The following IQGAP2 variants were observed in gnomAD, a reference collection of about 807,000 sequenced individuals.
IQGAP2 encodes the protein ras GTPase-activating-like protein IQGAP2.
A neutral mutation model predicts 201.3 loss-of-function variants in IQGAP2; 173 were observed. That is an observed-to-expected ratio of 0.86 (90% CI 0.76 to 0.98). The LOEUF (loss-of-function observed/expected upper bound fraction) is 0.98. Among genes scored for constraint, IQGAP2 ranks in the 50% least tolerant of loss-of-function variants. The pLI is 0.00. For missense variants in IQGAP2, 1,687 were observed against 1,864.8 expected, an observed-to-expected ratio of 0.90 and a Z score of 1.76; for synonymous variants, 675 against 673.9, an observed-to-expected ratio of 1.00 and a Z score of -0.03.
intron 2 of IQGAP2, among the ~76,000 whole-genome samples, chr5:76,551,298 G>A (rs564711096): frequency 6.6e-6 from 1 of 151,348 alleles, no homozygotes; most frequent in South Asian, 2.1e-4. Context: ...CAGATGATGG[G>A]CGGCCGGGCA....
At chr5:76,506,836 A>G (rs1244918087) in intron 2 of IQGAP2, among the ~76,000 whole-genome samples, 2 of 152,234 alleles carry the variant, frequency 1.3e-5, no homozygotes, top group Non-Finnish European at 2.9e-5. Flanking sequence ...TATGTGAGGA[A>G]AACTGCAAAA....
intron 1 of IQGAP2, among the ~76,000 whole-genome samples, chr5:76,428,043 G>C (rs1044552781): frequency 6.6e-6 from 1 of 151,922 alleles, no homozygotes; most frequent in Non-Finnish European, 1.5e-5. Flanking sequence ...TGCACCCTCT[G>C]AATGGGCACT....
At chr5:76,677,745 T>A (rs576401102) in intron 28 of IQGAP2, among the ~76,000 whole-genome samples, 1 of 151,924 alleles carries the variant, frequency 6.6e-6, no homozygotes, top group Non-Finnish European at 1.5e-5. Flanking sequence ...CCGGGCAACA[T>A]AGTGAGACCC....
At chr5:76,636,294 A>G (rs1751120208) in intron 15 of IQGAP2, among the ~76,000 whole-genome samples, 1 of 152,228 alleles carries the variant, frequency 6.6e-6, no homozygotes, top group African/African-American at 2.4e-5. Flanking sequence ...TAACCATTCA[A>G]CAAAATAAAC....
intron 2 of IQGAP2, among the ~76,000 whole-genome samples, chr5:76,516,529 A>C (rs1384058525): frequency 6.6e-6 from 1 of 152,188 alleles, no homozygotes; most frequent in Non-Finnish European, 1.5e-5. Flanking sequence ...TTATTTCTTA[A>C]TTCTCCAGGA....
intron 17 of IQGAP2, among the ~76,000 whole-genome samples, chr5:76,643,129 G>C (rs922503723): frequency 6.6e-6 from 1 of 152,162 alleles, no homozygotes; most frequent in African/African-American, 2.4e-5. Context: ...TCTTCCAGAA[G>C]ACAGGAGAAA....
At chr5:76,472,483 C>CG (rs1320782084) in intron 2 of IQGAP2, among the ~76,000 whole-genome samples, 1 of 152,022 alleles carries the variant, frequency 6.6e-6, no homozygotes, top group Non-Finnish European at 1.5e-5. Context: ...CAGGACTTGG[C>CG]GGGGGTCTGG....
chr5:76,586,099 G>T (rs1373014412), intron 5 of IQGAP2, among the ~76,000 whole-genome samples: 1 of 152,084 alleles, frequency 6.6e-6, no homozygotes, highest in African/African-American at 2.4e-5. Flanking sequence ...TGACTTGTTG[G>T]CATGAACCTT....
intron 1 of IQGAP2, among the ~76,000 whole-genome samples, chr5:76,424,470 G>T (rs1005357224): frequency 2.6e-5 from 4 of 152,076 alleles, no homozygotes; most frequent in Non-Finnish European, 4.4e-5. Context: ...ACCATGCCCG[G>T]CTCATTTTGT....
At chr5:76,452,497 G>T (rs1753822287) in intron 1 of IQGAP2, among the ~76,000 whole-genome samples, 1 of 151,792 alleles carries the variant, frequency 6.6e-6, no homozygotes, top group African/African-American at 2.4e-5. Flanking sequence ...ATTTTTTTCT[G>T]TTGCTGGACT....
chr5:76,538,567 G>T lies in IQGAP2; in HGVS notation c.147-23829G>T, dbSNP rs562867014. ...GATCTAGAGAGAGTTTATAATTGAT[G>T]TGTGTTTAGCTCTGTGTCAGCATCA... On this transcript the variant is annotated intron_variant, in intron 2 of 35. Coordinates refer to ENST00000274364, the MANE Select transcript of IQGAP2 (RefSeq NM_006633.5). 3.3e-5 allele frequency among the ~76,000 whole-genome samples: 5 copies of T among 152,300 alleles called. No individual in the cohort carries two copies. The East Asian group carries it at 9.6e-4, about 29-fold the overall frequency.
At position 76,668,799 on chromosome 5, in the gene IQGAP2, A is replaced by G; in HGVS notation, c.2798A>G (p.Tyr933Cys). ...YNYASNQREE[Y>C]LLLKLFKTAL... Reference sequence around the variant, plus strand: ...TATGCCTCTAATCAGCGAGAAGAATATCTACTTCTCAAGCTTTTTAAAACT... The same window carrying G: ...TATGCCTCTAATCAGCGAGAAGAATGTCTACTTCTCAAGCTTTTTAAAACT... Residue 933 changes from tyrosine to cysteine, a missense_variant, in exon 23 of 36, where the codon TAT becomes TGT. Tyr to Cys is a radical substitution (Grantham distance 194, BLOSUM62 -2). Transcript: ENST00000274364. 3.1e-6 allele frequency: 5 copies of G among 1,607,820 alleles called. No homozygotes were observed. The highest frequency in any genetic ancestry group is 4.2e-6 in the Non-Finnish European group (5 of 1,177,100).
rs576768761 is a variant in IQGAP2 at position 76,471,460 on chromosome 5, G to A, written c.146+9791G>A. On this transcript the variant is annotated intron_variant, in intron 2 of 35. Coordinates refer to ENST00000274364, the MANE Select transcript of IQGAP2 (RefSeq NM_006633.5). ...TCTCTTTAGGTAAGCCAAGCCATTG[G>A]CTATATTGGTGAGTCTGGGACAGTT... 7.4e-4 allele frequency among the ~76,000 whole-genome samples: 113 copies of A among 151,858 alleles called. 1 individual carries two copies. Among genetic ancestry groups the A allele is most frequent in the Admixed American group, 7.1e-3 (108 of 15,252 alleles).
At chr5:76,460,150 G>A (rs1754351690) in intron 1 of IQGAP2, among the ~76,000 whole-genome samples, 2 of 152,084 alleles carry the variant, frequency 1.3e-5, no homozygotes, top group South Asian at 2.1e-4. Context: ...ACAGTGGGGG[G>A]CTTTTCTGAT....
intron 13 of IQGAP2, chr5:76,617,717 G>C: frequency 6.2e-7 from 1 of 1,614,016 alleles, no homozygotes; most frequent in East Asian, 2.2e-5. Flanking sequence ...CAGTGTTGTT[G>C]TAGTAGTAGT....
In IQGAP2 at chr5:76,701,061, T is replaced by C. The variant is rs1747337886; in HGVS notation, c.4368-15T>C. 1 of 1,613,632 alleles carries C rather than the reference T, an allele frequency of 6.2e-7. No individual in the cohort carries two copies. The highest frequency in any genetic ancestry group is 1.3e-5 in the African/African-American group (1 of 74,896). On this transcript the variant is annotated splice_polypyrimidine_tract_variant and intron_variant, in intron 33 of 35. Transcript: ENST00000274364. ...TGCCATCATAACAACAAATGTTCTG[T>C]TCTTATTTTGTCAGAAATACTCGGA...
chr5:76,458,222 T>C (rs1754216539), intron 1 of IQGAP2, among the ~76,000 whole-genome samples: 1 of 152,190 alleles, frequency 6.6e-6, no homozygotes, highest in Non-Finnish European at 1.5e-5. Context: ...TTTCCTCATT[T>C]ATAGGAAAGA....
intron 35 of IQGAP2, among the ~76,000 whole-genome samples, chr5:76,704,850 T>C (rs1747734401): frequency 1.3e-5 from 2 of 152,168 alleles, no homozygotes; most frequent in African/African-American, 4.8e-5. Context: ...GCCAGGTCCT[T>C]ACTGTGAGTA....
rs73125568 is a variant in IQGAP2, at chr5:76,653,739, T to C, written c.2179-461T>C. Among the ~76,000 whole-genome samples, 907 of 152,258 alleles carry C rather than the reference T, an allele frequency of 6.0e-3. 12 individuals are homozygous for C. Among genetic ancestry groups the C allele is most frequent in the African/African-American group, 0.02 (820 of 41,544 alleles). On this transcript the variant is annotated intron_variant, in intron 18 of 35. Coordinates refer to ENST00000274364, the MANE Select transcript of IQGAP2 (RefSeq NM_006633.5). ...CATATGCCTATTCTGTCAAAAACCA[T>C]TGGTAGCAATTGGTCCCTCATGAGA...
Sources: allele counts gnomAD v4.1 joint callset (sites outside exome capture counted in the v4.1 genomes callset), GRCh38; gene constraint gnomAD v4.1.1; transcripts MANE v1.5; gene names NCBI Gene and HGNC (gene_info 2026-07-23, HGNC 2026-07-21).